Variants in CIROZ observed in about 807,000 individuals in gnomAD.
CIROZ encodes ciliated left-right organizer ZP-N domains-containing protein.
chr1:10,956,365 G>C, the CIROZ span, among the ~76,000 whole-genome samples: 1 of 152,126 alleles, frequency 6.6e-6, no homozygotes, highest in Admixed American at 6.5e-5. Context: ...TGGAGGGTCT[G>C]ACCAGGCTGC....
At chr1:10,957,464 T>C in the CIROZ span, 4 of 1,161,124 alleles carry the variant, frequency 3.4e-6, no homozygotes, top group Middle Eastern at 6.0e-4. Flanking sequence ...TTTACGCTAA[T>C]GGGGCCCAAT....
the CIROZ span, chr1:10,976,288 T>TG: frequency 7.3e-7 from 1 of 1,373,746 alleles, no homozygotes; most frequent in Non-Finnish European, 1.0e-6. Flanking sequence ...GGTGGGGACA[T>TG]GCACCGCCCA....
At chr1:10,978,665 G>A in the CIROZ span, among the ~76,000 whole-genome samples, 1 of 151,774 alleles carries the variant, frequency 6.6e-6, no homozygotes, top group African/African-American at 2.4e-5. Context: ...AGCAATGATT[G>A]TCCCACTGCA....
the CIROZ span, among the ~76,000 whole-genome samples, chr1:10,972,420 T>TAGAAACACACACACACACAC: frequency 7.6e-6 from 1 of 131,806 alleles, no homozygotes; most frequent in African/African-American, 3.0e-5. Flanking sequence ...GTCTCTGAAA[T>TAGAAACACACACACACACAC]ACACACACAC....
the CIROZ span, among the ~76,000 whole-genome samples, chr1:10,970,614 G>A: frequency 6.6e-6 from 1 of 151,998 alleles, no homozygotes; most frequent in African/African-American, 2.4e-5. Context: ...GGGTGGCAGC[G>A]AAACTCTGAC....
chr1:10,951,745 AATAT>A, the CIROZ span, among the ~76,000 whole-genome samples: 15 of 119,188 alleles, frequency 1.3e-4, no homozygotes, highest in African/African-American at 4.6e-4. Flanking sequence ...AAAAAAAAAA[AATAT>A]ATATATATAT....
the CIROZ span, chr1:10,966,626 A>T: frequency 4.1e-6 from 4 of 975,522 alleles, no homozygotes; most frequent in Admixed American, 1.2e-4. Context: ...AGTAATTTTT[A>T]AAAGTCTGGA....
chr1:10,973,359 C>G, the CIROZ span, among the ~76,000 whole-genome samples: 2 of 152,024 alleles, frequency 1.3e-5, no homozygotes, highest in Non-Finnish European at 2.9e-5. Context: ...GATGGCAGAG[C>G]GAGATTCTGT....
chr1:10,954,090 T>C, the CIROZ span: 1 of 1,613,650 alleles, frequency 6.2e-7, no homozygotes. Context: ...CAGGCTCAGG[T>C]CTACCCTATA....
chr1:10,959,514 C>T, the CIROZ span, among the ~76,000 whole-genome samples: 3 of 152,256 alleles, frequency 2.0e-5, no homozygotes, highest in African/African-American at 7.2e-5. The surrounding 1 kb of genome is among the most constrained non-coding windows in gnomAD (Gnocchi z 4.3). Flanking sequence ...GCCCCTTTGC[C>T]TTTGCGTCAG....
the CIROZ span, among the ~76,000 whole-genome samples, chr1:10,975,314 G>A: frequency 1.3e-5 from 2 of 150,870 alleles, no homozygotes; most frequent in Admixed American, 1.3e-4. Context: ...GCTGAGGCAG[G>A]AGAATCGCTT....
the CIROZ span, among the ~76,000 whole-genome samples, chr1:10,960,903 G>T: frequency 6.6e-6 from 1 of 152,284 alleles, no homozygotes; most frequent in East Asian, 1.9e-4. The surrounding 1 kb of genome is among the most constrained non-coding windows in gnomAD (Gnocchi z 4.6). Flanking sequence ...GTTCTCAGAT[G>T]GGGGAAGGGG....
the CIROZ span, among the ~76,000 whole-genome samples, chr1:10,972,042 C>T: frequency 1.3e-5 from 2 of 152,202 alleles, no homozygotes; most frequent in Non-Finnish European, 2.9e-5. Context: ...TTGCCCTGTG[C>T]GTGGCATCCA....
the CIROZ span, among the ~76,000 whole-genome samples, chr1:10,960,449 C>T: frequency 3.8e-3 from 576 of 152,222 alleles, 3 homozygotes; most frequent in African/African-American, 0.013. The surrounding 1 kb of genome is among the most constrained non-coding windows in gnomAD (Gnocchi z 4.6). Context: ...GTGACAAGTA[C>T]GCAGCCAAAA....
chr1:10,963,860 T>C, the CIROZ span, among the ~76,000 whole-genome samples: 1 of 152,084 alleles, frequency 6.6e-6, no homozygotes, highest in African/African-American at 2.4e-5. Flanking sequence ...CCAGCCAAGA[T>C]GGGAAATCCA....
chr1:10,964,634 C>A, the CIROZ span, among the ~76,000 whole-genome samples: 4 of 152,104 alleles, frequency 2.6e-5, no homozygotes, highest in Non-Finnish European at 5.9e-5. Context: ...TAAGGCTGGG[C>A]TATTTTTTGT....
the CIROZ span, among the ~76,000 whole-genome samples, chr1:10,958,047 G>A: frequency 4.3e-4 from 65 of 152,334 alleles, no homozygotes; most frequent in African/African-American, 1.5e-3. Flanking sequence ...CCAACCAGTC[G>A]GCCCCTATGC....
At chr1:10,957,351 A>G in the CIROZ span, among the ~76,000 whole-genome samples, 1 of 152,244 alleles carries the variant, frequency 6.6e-6, no homozygotes. Flanking sequence ...CTTACACAGC[A>G]ACTTTGGGCT....
chr1:10,957,902 C>A, the CIROZ span: 3 of 877,048 alleles, frequency 3.4e-6, no homozygotes. Context: ...CGGCAGGCCA[C>A]TCTGGGAGGA....
Sources: allele counts gnomAD v4.1 joint callset (sites outside exome capture counted in the v4.1 genomes callset), GRCh38; gene constraint gnomAD v4.1.1; non-coding constraint Gnocchi (gnomAD v3.1); transcripts MANE v1.5; gene names NCBI Gene and HGNC (gene_info 2026-07-23, HGNC 2026-07-21).